Variants in EPHA3 observed in about 807,000 individuals in gnomAD.
EPHA3 encodes EPH receptor A3.
Under a neutral mutation model 107.1 loss-of-function variants are expected in EPHA3, and 42 were observed. The observed-to-expected ratio is 0.39, with a 90% confidence interval of 0.31 to 0.51. EPHA3 has a LOEUF of 0.51. EPHA3 is among the 20% of genes least tolerant of loss of function. EPHA3 has a pLI of 0.78. For synonymous variants in EPHA3, 461 were observed against 424.8 expected (o/e 1.09, Z -1.05); for missense variants, 1,183 against 1,211.2 (o/e 0.98, Z 0.35).
At chr3:89,257,983 A>T (rs1705325319) in intron 3 of EPHA3, among the ~76,000 whole-genome samples, 1 of 152,210 alleles carries the variant, frequency 6.6e-6, no homozygotes, top group Non-Finnish European at 1.5e-5. Flanking sequence ...AAGAGAATAA[A>T]CTATCTTTAA....
intron 3 of EPHA3, among the ~76,000 whole-genome samples, chr3:89,319,865 A>G (rs189609257): frequency 1.0e-3 from 152 of 152,128 alleles, no homozygotes; most frequent in Non-Finnish European, 1.2e-3. Flanking sequence ...TGTGCTTTCT[A>G]TAACTAATCT....
chr3:89,145,115 T>TA (rs1409524567), intron 2 of EPHA3, among the ~76,000 whole-genome samples: 5 of 151,668 alleles, frequency 3.3e-5, no homozygotes, highest in African/African-American at 1.2e-4. Context: ...GTTTTCTTGA[T>TA]AGAGGAGGGG....
At chr3:89,237,843 G>T (rs1410596330) in intron 3 of EPHA3, among the ~76,000 whole-genome samples, 1 of 152,094 alleles carries the variant, frequency 6.6e-6, no homozygotes, top group Non-Finnish European at 1.5e-5. Context: ...GCTGGGCATG[G>T]TGGTAAATTC....
intron 2 of EPHA3, among the ~76,000 whole-genome samples, chr3:89,158,882 T>A (rs1438065080): frequency 3.3e-5 from 5 of 152,118 alleles, no homozygotes; most frequent in Non-Finnish European, 7.4e-5. Flanking sequence ...ATACATATAT[T>A]TGCCCTTAAT....
intron 15 of EPHA3, among the ~76,000 whole-genome samples, chr3:89,452,626 AT>A (rs1710016678): frequency 6.6e-6 from 1 of 151,968 alleles, no homozygotes. Flanking sequence ...GACTGTAAAT[AT>A]TTTCTCTTCT....
At chr3:89,375,791 A>T (rs567965064) in intron 5 of EPHA3, among the ~76,000 whole-genome samples, 3 of 152,054 alleles carry the variant, frequency 2.0e-5, no homozygotes, top group African/African-American at 7.2e-5. Context: ...AAATAGGCCC[A>T]TTAGGTATCC....
intron 2 of EPHA3, among the ~76,000 whole-genome samples, chr3:89,150,777 G>T (rs541129086): frequency 6.6e-6 from 1 of 152,010 alleles, no homozygotes; most frequent in East Asian, 1.9e-4. Flanking sequence ...TGTACCTTTA[G>T]AACACTTGTA....
intron 5 of EPHA3, among the ~76,000 whole-genome samples, chr3:89,364,005 G>T (rs1041121499): frequency 6.6e-6 from 1 of 150,698 alleles, no homozygotes; most frequent in African/African-American, 2.4e-5. Flanking sequence ...ACTGCTTTGT[G>T]GAAAAGGCAC....
chr3:89,115,328 C>T (rs1707226986), intron 1 of EPHA3, among the ~76,000 whole-genome samples: 3 of 151,588 alleles, frequency 2.0e-5, no homozygotes, highest in Admixed American at 2.0e-4. Context: ...GAGGGGATGT[C>T]AGTAAACTTT....
intron 2 of EPHA3, among the ~76,000 whole-genome samples, chr3:89,193,350 C>G (rs1705762670): frequency 6.6e-6 from 1 of 151,964 alleles, no homozygotes; most frequent in Admixed American, 6.6e-5. Context: ...TGATAGCGGC[C>G]TTGGCATTAC....
At chr3:89,145,570 C>T (rs1450364039) in intron 2 of EPHA3, among the ~76,000 whole-genome samples, 1 of 151,658 alleles carries the variant, frequency 6.6e-6, no homozygotes, top group African/African-American at 2.4e-5. Flanking sequence ...CATTCAATAG[C>T]TTATATCCTT....
intron 7 of EPHA3, chr3:89,399,979 G>A (rs1372440520): frequency 9.6e-7 from 1 of 1,045,084 alleles, no homozygotes; most frequent in African/African-American, 1.7e-5. Flanking sequence ...AATTTGAATA[G>A]CCTGTTCCTT....
chr3:89,391,330 A>G (rs114083537), intron 5 of EPHA3, among the ~76,000 whole-genome samples: 2,356 of 151,830 alleles, frequency 0.016, 65 homozygotes, highest in African/African-American at 0.054. Context: ...TGTGATGCAT[A>G]AGCCACCCCT....
chr3:89,286,843 A>G (rs546627655), intron 3 of EPHA3, among the ~76,000 whole-genome samples: 1 of 152,172 alleles, frequency 6.6e-6, no homozygotes, highest in South Asian at 2.1e-4. Flanking sequence ...CATATCAGCA[A>G]GTAAAAGCAC....
At chr3:89,211,572 A>T (rs1217187682) in intron 3 of EPHA3, among the ~76,000 whole-genome samples, 1 of 152,110 alleles carries the variant, frequency 6.6e-6, no homozygotes, top group Admixed American at 6.6e-5. Flanking sequence ...ACTACTTTGC[A>T]TATAAATTGT....
intron 5 of EPHA3, among the ~76,000 whole-genome samples, chr3:89,370,445 G>A (rs1389366470): frequency 6.6e-6 from 1 of 151,570 alleles, no homozygotes; most frequent in East Asian, 1.9e-4. Flanking sequence ...CTCATAGGTG[G>A]GAATTGAACA....
chr3:89,261,726 T>G (rs796315630), intron 3 of EPHA3, among the ~76,000 whole-genome samples: 33 of 152,188 alleles, frequency 2.2e-4, no homozygotes, highest in African/African-American at 7.7e-4. Flanking sequence ...ACGCACTCAT[T>G]TATAACTCTA....
chr3:89,423,148 T>C (rs77798663), intron 11 of EPHA3, among the ~76,000 whole-genome samples: 10,209 of 151,554 alleles, frequency 0.067, 415 homozygotes, highest in Middle Eastern at 0.12. Flanking sequence ...TTGGATGAGA[T>C]TAATGTATTT....
intron 3 of EPHA3, among the ~76,000 whole-genome samples, chr3:89,340,682 T>C (rs532770004): frequency 8.5e-5 from 13 of 152,216 alleles, no homozygotes; most frequent in Non-Finnish European, 1.8e-4. Context: ...CATACACTAG[T>C]GCCAAAATAA....
Sources: allele counts gnomAD v4.1 joint callset (sites outside exome capture counted in the v4.1 genomes callset), GRCh38; gene constraint gnomAD v4.1.1; transcripts MANE v1.5; gene names NCBI Gene and HGNC (gene_info 2026-07-23, HGNC 2026-07-21).